The following QRFPR variants were observed in gnomAD, a reference collection of about 807,000 sequenced individuals.
QRFPR encodes pyroglutamylated RFamide peptide receptor, also known as pyroglutamylated RF-amide peptide receptor.
A neutral mutation model predicts 31.3 loss-of-function variants in QRFPR; 37 were observed. The ratio of observed to expected loss-of-function variants is 1.18; its 90% confidence interval spans 0.91 to 1.56. The LOEUF is 1.56. Ranked by LOEUF, QRFPR falls within the 40% of genes most tolerant of loss-of-function variation. The pLI is 0.00. For synonymous variants in QRFPR, 197 were observed against 192.0 expected (o/e 1.03, Z -0.22); for missense variants, 542 against 532.5 (o/e 1.02, Z -0.18).
intron 1 of QRFPR, among the ~76,000 whole-genome samples, chr4:121,365,633 T>C (rs1726116183): frequency 4.1e-5 from 1 of 24,474 alleles, no homozygotes; most frequent in Non-Finnish European, 6.3e-5. Flanking sequence ...ATATATTATA[T>C]ATATATTTTA....
At chr4:121,363,506 T>C (rs1726029064) in intron 1 of QRFPR, among the ~76,000 whole-genome samples, 1 of 149,716 alleles carries the variant, frequency 6.7e-6, no homozygotes, top group Non-Finnish European at 1.5e-5. Flanking sequence ...TATTTTAGGT[T>C]CCCCCAGCCC....
intron 1 of QRFPR, chr4:121,370,241 A>G: frequency 1.3e-6 from 1 of 780,174 alleles, no homozygotes; most frequent in Non-Finnish European, 2.4e-6. Flanking sequence ...CCTTGAGGGT[A>G]TCATCATAGC....
At chr4:121,333,116 A>AG in intron 3 of QRFPR, 60 bp from the exon 4 acceptor site, 1 of 1,149,322 alleles carries the variant, frequency 8.7e-7, no homozygotes, top group Non-Finnish European at 1.3e-6. Context: ...AACAGAAATC[A>AG]GCCAAGTATT....
At chr4:121,355,326 A>G (rs1725845863) in intron 1 of QRFPR, among the ~76,000 whole-genome samples, 1 of 152,126 alleles carries the variant, frequency 6.6e-6, no homozygotes, top group East Asian at 1.9e-4. Flanking sequence ...GAATTTATCC[A>G]TTTCTTCTAG....
At position 121,370,332 on chromosome 4, in the gene QRFPR, T is replaced by C. The variant is rs540008691; in HGVS notation, c.340+9976A>G. ...AGCCTCAAGAGCAGGCACTTCTGGT[T>C]GTCTTGAAGCCATTGAAAGGCTGAG... On this transcript the variant is annotated intron_variant, in intron 1 of 5. Coordinates refer to ENST00000394427, the MANE Select transcript of QRFPR (RefSeq NM_198179.3). The C allele has an allele frequency of 1.0e-3, 776 of 760,654 alleles. 1 individual carries two copies. The highest frequency in any genetic ancestry group is 2.0e-3 in the Admixed American group (119 of 58,128). The allele number at this position is 760,654 out of a possible 1,614,324, so 47.1% of individuals were successfully genotyped here.
chr4:121,376,550 T>G (rs1330038899), intron 1 of QRFPR, among the ~76,000 whole-genome samples: 2 of 152,074 alleles, frequency 1.3e-5, no homozygotes, highest in Admixed American at 6.5e-5. Context: ...TTTGTTTTTT[T>G]TTTTTTTCAC....
rs748920075 is a variant in QRFPR, at chr4:121,330,459, G to A, written c.862C>T (p.Pro288Ser). Residue 288 changes from proline to serine, a missense_variant, in exon 5 of 6, where the codon CCA becomes TCA. Physicochemically the swap from Pro to Ser is moderately conservative, Grantham distance 74 (BLOSUM62 -1). Coordinates refer to ENST00000394427, the MANE Select transcript of QRFPR (RefSeq NM_198179.3). ...ATCATCATATGGACAACATGGAATGGTGCCCAGCACACAGCAAAGAGAGCC... is the reference window on the plus strand; with the variant it reads ...ATCATCATATGGACAACATGGAATGATGCCCAGCACACAGCAAAGAGAGCC... ...VVALFAVCWA[P>S]FHVVHMMIEY... 1.2e-6 allele frequency: 2 copies of A among 1,612,850 alleles called. No individual in the cohort carries two copies. The highest frequency in any genetic ancestry group is 2.7e-5 in the African/African-American group (2 of 74,886).
Position 121,329,169 on chromosome 4 carries a change from C to A in QRFPR, c.*145G>T. 1.6e-6 allele frequency: 1 copy of A among 640,302 alleles called. No homozygotes were observed. The highest frequency in any genetic ancestry group is 2.6e-6 in the Non-Finnish European group (1 of 387,902). The allele number at this position is 640,302 out of a possible 1,614,324, so 39.7% of individuals were successfully genotyped here. On this transcript the variant is annotated 3_prime_UTR_variant, in exon 6 of 6. Coordinates refer to ENST00000394427, the MANE Select transcript of QRFPR (RefSeq NM_198179.3). ...GTAAACATCACTGCACTTGGACTAG[C>A]CTCGTGTCATTTTTTAATGGAAACA... is the stretch of plus-strand genomic sequence containing the variant.
chr4:121,331,649 T>TATTATG (rs1725328102), intron 4 of QRFPR, among the ~76,000 whole-genome samples: 1 of 147,824 alleles, frequency 6.8e-6, no homozygotes, highest in Admixed American at 6.8e-5. Flanking sequence ...TTATTATTAT[T>TATTATG]ATTATTATTG....
intron 1 of QRFPR, among the ~76,000 whole-genome samples, chr4:121,372,415 T>C (rs145182114): frequency 1.1e-3 from 174 of 152,380 alleles, no homozygotes; most frequent in African/African-American, 3.8e-3. Flanking sequence ...TTTTTTATTG[T>C]GGTAGAATAT....
chr4:121,370,138 C>G, intron 1 of QRFPR: 1 of 766,160 alleles, frequency 1.3e-6, no homozygotes, highest in Non-Finnish European at 2.4e-6. Flanking sequence ...CCTTCCTCCA[C>G]CTTGGTGAGG....
At chr4:121,333,851 T>C (rs142447465) in intron 3 of QRFPR, among the ~76,000 whole-genome samples, 1,718 of 152,288 alleles carry the variant, frequency 0.011, 14 homozygotes, top group South Asian at 0.023. Flanking sequence ...AAAACCATTG[T>C]TATTTTAGTT....
At chr4:121,352,715 T>C (rs949483722) in intron 1 of QRFPR, among the ~76,000 whole-genome samples, 1 of 152,126 alleles carries the variant, frequency 6.6e-6, no homozygotes, top group African/African-American at 2.4e-5. Context: ...ATCATTTCTT[T>C]GTGTTAGGAA....
chr4:121,335,587 G>GCA (rs1725419467), intron 3 of QRFPR, among the ~76,000 whole-genome samples: 3 of 61,188 alleles, frequency 4.9e-5, no homozygotes, highest in Non-Finnish European at 6.7e-5. Context: ...GTGGGGGGTG[G>GCA]GGCGGGGAGA....
intron 1 of QRFPR, among the ~76,000 whole-genome samples, chr4:121,360,906 C>T (rs1165602327): frequency 6.6e-6 from 1 of 152,178 alleles, no homozygotes; most frequent in Non-Finnish European, 1.5e-5. Context: ...TCTCCCCAAG[C>T]ACCTTCCACA....
intron 1 of QRFPR, among the ~76,000 whole-genome samples, chr4:121,354,508 T>C (rs1472881588): frequency 6.6e-6 from 1 of 152,106 alleles, no homozygotes; most frequent in Non-Finnish European, 1.5e-5. Context: ...ACAAGGATAA[T>C]TTGACTTTTT....
intron 1 of QRFPR, among the ~76,000 whole-genome samples, chr4:121,360,517 C>G (rs1042389142): frequency 6.6e-6 from 1 of 152,118 alleles, no homozygotes; most frequent in Non-Finnish European, 1.5e-5. Flanking sequence ...CCTGGTTCCC[C>G]TGGGTAGCCT....
At chr4:121,353,192 C>T (rs1725796975) in intron 1 of QRFPR, among the ~76,000 whole-genome samples, 1 of 152,052 alleles carries the variant, frequency 6.6e-6, no homozygotes, top group Non-Finnish European at 1.5e-5. Flanking sequence ...ATGCAGCTAT[C>T]TCTTCAATAT....
At chr4:121,349,616 C>T (rs1465373766) in intron 1 of QRFPR, among the ~76,000 whole-genome samples, 1 of 152,084 alleles carries the variant, frequency 6.6e-6, no homozygotes, top group Non-Finnish European at 1.5e-5. Context: ...ATCATAAACC[C>T]CTTCCTGAAA....
Sources: allele counts gnomAD v4.1 joint callset (sites outside exome capture counted in the v4.1 genomes callset), GRCh38; gene constraint gnomAD v4.1.1; transcripts MANE v1.5; gene names NCBI Gene and HGNC (gene_info 2026-07-23, HGNC 2026-07-21).